The following SEL1L2 variants were observed in gnomAD, a reference collection of about 807,000 sequenced individuals.
SEL1L2 encodes SEL1L2 adaptor subunit of SYVN1 ubiquitin ligase, also known as protein sel-1 homolog 2.
A neutral mutation model predicts 98.8 loss-of-function variants in SEL1L2; 89 were observed. The ratio of observed to expected loss-of-function variants is 0.90; its 90% CI spans 0.76 to 1.07. The LOEUF (loss-of-function observed/expected upper bound fraction) is 1.07. Ranked by LOEUF, SEL1L2 falls within the 50% of genes least tolerant of loss-of-function variation. The pLI, the probability that SEL1L2 is intolerant of heterozygous loss-of-function variation, is 0.00. For synonymous variants in SEL1L2, 262 were observed against 278.5 expected (o/e 0.94, Z 0.59); for missense variants, 788 against 812.0 (o/e 0.97, Z 0.36).
chr20:13,892,647 AAAAT>A (rs1479259995), intron 5 of SEL1L2, among the ~76,000 whole-genome samples: 1 of 152,218 alleles, frequency 6.6e-6, no homozygotes, highest in Non-Finnish European at 1.5e-5. Flanking sequence ...TGTACAGAAA[AAAAT>A]AACAAAACAG....
intron 5 of SEL1L2, among the ~76,000 whole-genome samples, chr20:13,891,444 G>A (rs755705465): frequency 2.6e-5 from 4 of 152,030 alleles, no homozygotes; most frequent in East Asian, 1.9e-4. Flanking sequence ...CAAGGTGGGC[G>A]GACCACAAGA....
intron 12 of SEL1L2, among the ~76,000 whole-genome samples, chr20:13,871,992 G>T (rs897527943): frequency 6.6e-6 from 1 of 152,110 alleles, no homozygotes. Context: ...AATAGAGAAG[G>T]CATATTTCAA....
intron 2 of SEL1L2, among the ~76,000 whole-genome samples, chr20:13,934,141 C>T (rs1486463355): frequency 6.7e-6 from 1 of 149,628 alleles, no homozygotes; most frequent in Non-Finnish European, 1.5e-5. Flanking sequence ...CCCCCCAATT[C>T]CCCAAAGTCC....
At chr20:13,914,431 A>T (rs1375608264) in intron 4 of SEL1L2, among the ~76,000 whole-genome samples, 1 of 152,242 alleles carries the variant, frequency 6.6e-6, no homozygotes, top group Non-Finnish European at 1.5e-5. Context: ...TTCATATCTT[A>T]ATTTGCTAAA....
chr20:13,902,902 G>C (rs1324773809), intron 5 of SEL1L2, among the ~76,000 whole-genome samples: 4 of 152,082 alleles, frequency 2.6e-5, no homozygotes, highest in Non-Finnish European at 1.5e-5. Context: ...CGGATCATGA[G>C]GTCAAGAGAT....
intron 1 of SEL1L2, among the ~76,000 whole-genome samples, chr20:13,963,684 C>G (rs1334211689): frequency 6.6e-6 from 1 of 151,734 alleles, no homozygotes; most frequent in Admixed American, 6.6e-5. Context: ...CCGCTGTACT[C>G]CAGCCTGGGA....
intron 3 of SEL1L2, among the ~76,000 whole-genome samples, chr20:13,926,647 C>T (rs1000566515): frequency 3.3e-5 from 5 of 152,208 alleles, no homozygotes; most frequent in African/African-American, 4.8e-5. Flanking sequence ...CAAAGGCTGT[C>T]TAGAGACTGT....
chr20:13,990,328 T>C (rs952356711), intron 1 of SEL1L2, 149 bp downstream of exon 1: 7 of 649,936 alleles, frequency 1.1e-5, no homozygotes, highest in African/African-American at 9.3e-5. Context: ...ATTATTCTTA[T>C]TGGACATTTT....
chr20:13,873,931 A>G (rs948238940), intron 12 of SEL1L2, among the ~76,000 whole-genome samples: 2 of 152,184 alleles, frequency 1.3e-5, no homozygotes, highest in Non-Finnish European at 2.9e-5. Flanking sequence ...GGTAGGAAGC[A>G]GTTAAATCCC....
At chr20:13,980,724 T>C (rs1601025572) in intron 1 of SEL1L2, among the ~76,000 whole-genome samples, 2 of 152,166 alleles carry the variant, frequency 1.3e-5, no homozygotes, top group Non-Finnish European at 2.9e-5. Context: ...AGTCAGGATA[T>C]GGAAACAACC....
In SEL1L2 at chr20:13,876,344, T is replaced by C. The variant is rs767389940; in HGVS notation, c.1027-229A>G. 5.9e-5 allele frequency among the ~76,000 whole-genome samples: 9 copies of C among 151,758 alleles called. No homozygotes were observed. In the South Asian group the frequency reaches 1.7e-3, roughly 28 times the overall value. On this transcript the variant is annotated intron_variant, in intron 11 of 19. Coordinates refer to ENST00000284951, the MANE Select transcript of SEL1L2 (RefSeq NM_025229.2). ...AAGAGTACCATTTATTACAGACTTC[T>C]GGAGTGACCCTGCCTGAGGGCAAAG...
chr20:13,911,852 CCTT>C (rs974623544), intron 5 of SEL1L2, among the ~76,000 whole-genome samples: 3 of 152,024 alleles, frequency 2.0e-5, no homozygotes, highest in Admixed American at 6.6e-5. Flanking sequence ...TTATCCTCCT[CCTT>C]GCTTAAATTT....
chr20:13,987,729 A>C (rs946238057), intron 1 of SEL1L2, among the ~76,000 whole-genome samples: 3 of 152,052 alleles, frequency 2.0e-5, no homozygotes, highest in Admixed American at 2.0e-4. Context: ...TTATTTCCCT[A>C]ATGACCAATG....
At chr20:13,916,433 T>C (rs773094107) in intron 4 of SEL1L2, among the ~76,000 whole-genome samples, 2 of 152,160 alleles carry the variant, frequency 1.3e-5, no homozygotes, top group Non-Finnish European at 2.9e-5. Flanking sequence ...CACAAGAACT[T>C]CACCCAGCTT....
intron 18 of SEL1L2, among the ~76,000 whole-genome samples, chr20:13,851,626 G>C (rs966097233): frequency 4.8e-5 from 7 of 145,730 alleles, no homozygotes; most frequent in African/African-American, 1.8e-4. Context: ...TTTTTGGTTT[G>C]CCCAAACAGA....
At chr20:13,886,049 A>C (rs78239841) in intron 9 of SEL1L2, among the ~76,000 whole-genome samples, 3,394 of 152,118 alleles carry the variant, frequency 0.022, 57 homozygotes, top group Non-Finnish European at 0.037. Flanking sequence ...AAAAAAAAAA[A>C]ATTAATTTTT....
In SEL1L2 at chr20:13,865,403, C is replaced by T; in HGVS notation, c.1516G>A (p.Ala506Thr). 6.2e-7 allele frequency: 1 copy of T among 1,614,086 alleles called. No individual in the cohort carries two copies. The highest frequency in any genetic ancestry group is 8.5e-7 in the Non-Finnish European group (1 of 1,179,986). ...TGAGCTACTTCATACCCCATTTCTGCAAGCAGTGCATACTGAACAAGAGAA... is the reference window on the plus strand; with the variant it reads ...TGAGCTACTTCATACCCCATTTCTGTAAGCAGTGCATACTGAACAAGAGAA... ...DSSLVQYALL[A>T]EMGYEVAQSN... Residue 506 changes from alanine (A) to threonine (T), a missense_variant, in exon 16 of 20, where the codon GCA (alanine) becomes ACA (threonine). Physicochemically the swap from Ala to Thr is moderately conservative, Grantham distance 58. Coordinates refer to ENST00000284951, the MANE Select transcript of SEL1L2 (RefSeq NM_025229.2).
At chr20:13,953,351 T>C (rs556172293) in intron 2 of SEL1L2, among the ~76,000 whole-genome samples, 11 of 152,318 alleles carry the variant, frequency 7.2e-5, no homozygotes, top group African/African-American at 2.2e-4. Context: ...CTTTGGAGGA[T>C]GGCCCTTTCT....
chr20:13,976,740 G>T (rs1187586428), intron 1 of SEL1L2, among the ~76,000 whole-genome samples: 1 of 152,204 alleles, frequency 6.6e-6, no homozygotes, highest in Non-Finnish European at 1.5e-5. Flanking sequence ...CAAGTTAGAA[G>T]TGCATTAGTG....
Sources: allele counts gnomAD v4.1 joint callset (sites outside exome capture counted in the v4.1 genomes callset), GRCh38; gene constraint gnomAD v4.1.1; transcripts MANE v1.5; gene names NCBI Gene and HGNC (gene_info 2026-07-23, HGNC 2026-07-21).